The following BLTP3B variants were observed in gnomAD, a reference collection of about 807,000 sequenced individuals.
BLTP3B encodes bridge-like lipid transfer protein family member 3B, also known as UHRF1 (ICBP90) binding protein 1-like.
At chr12:100,048,598 C>A in the BLTP3B span, among the ~76,000 whole-genome samples, 2 of 152,056 alleles carry the variant, frequency 1.3e-5, no homozygotes, top group Non-Finnish European at 2.9e-5. Context: ...TGAGGTTTTG[C>A]ACCTTCCTCA....
At chr12:100,053,353 A>G in the BLTP3B span, among the ~76,000 whole-genome samples, 1 of 152,060 alleles carries the variant, frequency 6.6e-6, no homozygotes, top group Non-Finnish European at 1.5e-5. Context: ...GGTTGCAGTG[A>G]GCTGAAATCA....
chr12:100,041,756 A>G, the BLTP3B span, among the ~76,000 whole-genome samples: 3 of 152,046 alleles, frequency 2.0e-5, no homozygotes, highest in African/African-American at 7.2e-5. Flanking sequence ...CTTCTATTCA[A>G]CATTGTTTTA....
the BLTP3B span, among the ~76,000 whole-genome samples, chr12:100,074,397 G>C: frequency 6.6e-6 from 1 of 152,200 alleles, no homozygotes; most frequent in South Asian, 2.1e-4. Context: ...CCAGGAGCTC[G>C]AGACCAGCGT....
chr12:100,038,401 T>A, the BLTP3B span, among the ~76,000 whole-genome samples: 2 of 152,162 alleles, frequency 1.3e-5, no homozygotes, highest in Non-Finnish European at 2.9e-5. Context: ...AATGGCGCAA[T>A]CTCAGCTCAC....
chr12:100,085,028 G>A, the BLTP3B span, among the ~76,000 whole-genome samples: 63 of 152,138 alleles, frequency 4.1e-4, no homozygotes, highest in Admixed American at 7.2e-4. Context: ...CTTCAAAGAT[G>A]TGTTATCAAG....
At chr12:100,073,448 C>T in the BLTP3B span, among the ~76,000 whole-genome samples, 2 of 151,334 alleles carry the variant, frequency 1.3e-5, no homozygotes, top group African/African-American at 4.9e-5. Flanking sequence ...AATCCACCCA[C>T]CTCAGCCTCC....
chr12:100,091,021 G>A, the BLTP3B span, among the ~76,000 whole-genome samples: 1 of 149,312 alleles, frequency 6.7e-6, no homozygotes, highest in Non-Finnish European at 1.5e-5. Context: ...TCTGCCTCAT[G>A]AATAATCCTT....
the BLTP3B span, among the ~76,000 whole-genome samples, chr12:100,068,650 A>G: frequency 6.6e-6 from 1 of 152,212 alleles, no homozygotes; most frequent in Non-Finnish European, 1.5e-5. Flanking sequence ...ACAAGAAAAA[A>G]ACAAACAATC....
At chr12:100,109,589 C>T in the BLTP3B span, among the ~76,000 whole-genome samples, 1 of 151,920 alleles carries the variant, frequency 6.6e-6, no homozygotes, top group African/African-American at 2.4e-5. Context: ...CATGGTGAAA[C>T]CTGGTCTCTA....
the BLTP3B span, chr12:100,057,871 C>T: frequency 4.7e-6 from 6 of 1,281,348 alleles, no homozygotes; most frequent in Admixed American, 1.8e-4. Context: ...AACGTATAAG[C>T]TCAAAGTGTT....
At chr12:100,057,750 T>C in the BLTP3B span, 1 of 1,586,994 alleles carries the variant, frequency 6.3e-7, no homozygotes, top group Middle Eastern at 1.7e-4. Context: ...CTTTCCACTG[T>C]TAACAAAATT....
At chr12:100,125,961 A>G in the BLTP3B span, among the ~76,000 whole-genome samples, 1 of 152,172 alleles carries the variant, frequency 6.6e-6, no homozygotes, top group African/African-American at 2.4e-5. Flanking sequence ...GTGATGATCA[A>G]TTCTCTTAAC....
chr12:100,057,926 T>G, the BLTP3B span: 27 of 1,370,794 alleles, frequency 2.0e-5, no homozygotes, highest in Admixed American at 6.8e-4. Flanking sequence ...AACAATGCCA[T>G]ATTTTGTCAT....
the BLTP3B span, chr12:100,082,891 T>C: frequency 1.5e-6 from 1 of 662,690 alleles, no homozygotes; most frequent in Non-Finnish European, 2.5e-6. Flanking sequence ...CTATGCCATC[T>C]AATATGGCCA....
the BLTP3B span, chr12:100,086,371 A>AG: frequency 9.5e-5 from 45 of 471,212 alleles, no homozygotes; most frequent in Non-Finnish European, 1.4e-4. Context: ...GGGAAAAAAA[A>AG]AGGGGGGGGG....
chr12:100,075,035 G>A, the BLTP3B span, among the ~76,000 whole-genome samples: 4 of 149,248 alleles, frequency 2.7e-5, no homozygotes, highest in South Asian at 2.1e-4. Flanking sequence ...TTTTTGAGAC[G>A]GAGTCTAGCT....
At chr12:100,123,193 A>C in the BLTP3B span, among the ~76,000 whole-genome samples, 1 of 152,120 alleles carries the variant, frequency 6.6e-6, no homozygotes, top group South Asian at 2.1e-4. Context: ...ACATTCAACA[A>C]ATATTAACTG....
the BLTP3B span, among the ~76,000 whole-genome samples, chr12:100,071,497 CAAAAAAAAAAA>C: frequency 1.1e-4 from 9 of 78,682 alleles, no homozygotes; most frequent in Admixed American, 3.2e-4. Flanking sequence ...ACTATGTCTC[CAAAAAAAAAAA>C]AAAAAAAAAA....
chr12:100,088,504 AG>A, the BLTP3B span, among the ~76,000 whole-genome samples: 3 of 152,252 alleles, frequency 2.0e-5, no homozygotes, highest in African/African-American at 7.2e-5. Flanking sequence ...TATTCAAAAT[AG>A]GTAGAAAAAC....
Sources: gnomAD v4.1 joint callset for allele counts (sites outside exome capture counted in the v4.1 genomes callset) on GRCh38, gnomAD v4.1.1 for gene constraint, MANE v1.5 for transcripts, NCBI Gene and HGNC (gene_info 2026-07-23, HGNC 2026-07-21) for gene names.